The following ARHGEF26 variants were observed in gnomAD, a reference collection of about 807,000 sequenced individuals.
ARHGEF26 encodes the protein Rho guanine nucleotide exchange factor 26.
Under a neutral mutation model 89.4 loss-of-function variants are expected in ARHGEF26, and 59 were observed. The ratio of observed to expected loss-of-function variants is 0.66; its 90% CI spans 0.54 to 0.82. The LOEUF (loss-of-function observed/expected upper bound fraction) is 0.82, where lower values mean the gene tolerates loss of function less well. Ranked by LOEUF, ARHGEF26 falls within the 40% of genes least tolerant of loss-of-function variation. The probability of loss-of-function intolerance (pLI) is 0.00; values close to 1 mark genes in which losing one functional copy is unlikely to be tolerated. For missense variants in ARHGEF26, 1,234 were observed against 1,085.6 expected (o/e 1.14, Z -1.92); for synonymous variants, 500 against 428.4 (o/e 1.17, Z -2.06).
At chr3:154,234,836 G>A (rs1204692903) in intron 11 of ARHGEF26, among the ~76,000 whole-genome samples, 1 of 152,068 alleles carries the variant, frequency 6.6e-6, no homozygotes, top group African/African-American at 2.4e-5. Context: ...CGCAATCTCG[G>A]CTCACTGCAA....
chr3:154,174,754 A>G (rs1427784313), intron 6 of ARHGEF26, among the ~76,000 whole-genome samples: 4 of 152,194 alleles, frequency 2.6e-5, no homozygotes, highest in African/African-American at 4.8e-5. Context: ...GTATTAACAC[A>G]GAAGTAAAAA....
At chr3:154,221,195 AAAAGG>A (rs1486865386) in intron 10 of ARHGEF26, among the ~76,000 whole-genome samples, 1 of 152,164 alleles carries the variant, frequency 6.6e-6, no homozygotes, top group Non-Finnish European at 1.5e-5. Flanking sequence ...CTGCTACCAG[AAAAGG>A]AAATCCAAAT....
At chr3:154,202,478 A>G (rs993105731) in intron 9 of ARHGEF26, among the ~76,000 whole-genome samples, 2 of 152,034 alleles carry the variant, frequency 1.3e-5, no homozygotes, top group Non-Finnish European at 2.9e-5. Context: ...TTGACTTGGC[A>G]ATGTGGGCTC....
Position 154,257,767 on chromosome 3 carries a change from G to A in ARHGEF26, c.*2294G>A, listed in dbSNP as rs2108314333. ...ATGTTCATTTTTGTCCCAGTAAATT[G>A]AGACTGCTTGTACACTTTCAGAAAA... On this transcript the variant is annotated 3_prime_UTR_variant, in exon 15 of 15. Transcript: ENST00000465093. The A allele has an allele frequency of 6.6e-6, 1 of 152,248 alleles. No individual in the cohort carries two copies. Among genetic ancestry groups the A allele is most frequent in the Admixed American group, 6.5e-5 (1 of 15,280 alleles). 9.4% of individuals were successfully genotyped at this position (152,248 alleles called of 1,614,324 possible). A position where few individuals can be genotyped will look rare whatever the true frequency, so the allele number is the denominator to read the frequency against.
intron 10 of ARHGEF26, among the ~76,000 whole-genome samples, chr3:154,221,388 A>AT (rs1310122289): frequency 4.6e-5 from 7 of 152,182 alleles, no homozygotes; most frequent in Non-Finnish European, 1.5e-5. Flanking sequence ...GGTGGGAAAG[A>AT]TTGTTTTACC....
At chr3:154,193,792 A>G (rs1714100914) in intron 8 of ARHGEF26, among the ~76,000 whole-genome samples, 2 of 152,114 alleles carry the variant, frequency 1.3e-5, no homozygotes, top group African/African-American at 4.8e-5. Context: ...CAGTATAAAT[A>G]TATCAACAGA....
At chr3:154,202,676 G>C (rs970336599) in intron 9 of ARHGEF26, among the ~76,000 whole-genome samples, 23 of 151,646 alleles carry the variant, frequency 1.5e-4, no homozygotes, top group South Asian at 8.4e-4. Flanking sequence ...CTTTTATTTC[G>C]TTGAGCAGTG....
At chr3:154,153,384 A>T (rs1720141484) in intron 6 of ARHGEF26, among the ~76,000 whole-genome samples, 2 of 152,132 alleles carry the variant, frequency 1.3e-5, no homozygotes, top group Non-Finnish European at 2.9e-5. Context: ...ATCATATAAT[A>T]AACTTTTATA....
chr3:154,252,989 G>GT, intron 12 of ARHGEF26, 127 bp from the exon 13 acceptor site: 1 of 1,001,016 alleles, frequency 1.0e-6, no homozygotes, highest in East Asian at 2.5e-5. Context: ...CTCTCACCCT[G>GT]TTTTACCATA....
At position 154,240,539 on chromosome 3, in the gene ARHGEF26, G is replaced by A. The variant is rs760809133; in HGVS notation, c.2260G>A (p.Ala754Thr). The A allele has an allele frequency of 6.2e-6, 10 of 1,612,592 alleles. No individual in the cohort carries two copies. Among genetic ancestry groups the A allele is most frequent in the East Asian group, 2.2e-5 (1 of 44,874 alleles). Residue 754 changes from alanine to threonine, a missense_variant, in exon 12 of 15, where the codon GCG becomes ACG. Transcript: ENST00000465093. Reference sequence around the variant, plus strand: ...TACTCTGACAGTCCTTAGTAACCACGCGAATGAGAAAGTGGAGATGCTACT... The same window carrying A: ...TACTCTGACAGTCCTTAGTAACCACACGAATGAGAAAGTGGAGATGCTACT... ...LFTLTVLSNH[A>T]NEKVEMLLGA...
chr3:154,253,533 T>C (rs905899446), intron 13 of ARHGEF26, among the ~76,000 whole-genome samples: 1 of 152,250 alleles, frequency 6.6e-6, no homozygotes, highest in Non-Finnish European at 1.5e-5. Flanking sequence ...TGTAAAGCCC[T>C]TAAATTTTTA....
At chr3:154,181,659 C>T (rs1713191849) in intron 6 of ARHGEF26, among the ~76,000 whole-genome samples, 1 of 152,064 alleles carries the variant, frequency 6.6e-6, no homozygotes. Context: ...GAAAATGCAG[C>T]TGGCATTGAA....
Position 154,257,131 on chromosome 3 carries a change from A to G in ARHGEF26, c.*1658A>G. On this transcript the variant is annotated 3_prime_UTR_variant, in exon 15 of 15. Transcript: ENST00000465093. ...TGAGGGGTAAGTGTGCCTGGCTCAC[A>G]CAGCCTGCACCCTGTCACCTCGGCA... The G allele has an allele frequency of 1.2e-6, 1 of 855,734 alleles. No homozygotes were observed. Among genetic ancestry groups the G allele is most frequent in the South Asian group, 2.1e-5 (1 of 47,494 alleles). 53.0% of individuals were successfully genotyped at this position (855,734 alleles called of 1,614,324 possible). A position where few individuals can be genotyped will look rare whatever the true frequency, so the allele number is the denominator to read the frequency against.
rs1559933398 is a variant in ARHGEF26 at position 154,256,116 on chromosome 3, A to T, written c.*643A>T. The stretch of plus-strand genomic sequence containing the variant: ...CCTTACTTTAGGATTTTTAAAAAAA[A>T]ATCCATCTCACCCCATATTGTTCTT... On this transcript the variant is annotated 3_prime_UTR_variant, in exon 15 of 15. Coordinates refer to ENST00000465093, the MANE Select transcript of ARHGEF26 (RefSeq NM_015595.4). 1 of 985,420 alleles carries T rather than the reference A, an allele frequency of 1.0e-6. No homozygotes were observed. The highest frequency in any genetic ancestry group is 1.7e-5 in the African/African-American group (1 of 57,332). The allele number at this position is 985,420 out of a possible 1,614,324, so 61.0% of individuals were successfully genotyped here.
At chr3:154,173,122 A>T (rs942659455) in intron 6 of ARHGEF26, among the ~76,000 whole-genome samples, 1 of 152,166 alleles carries the variant, frequency 6.6e-6, no homozygotes, top group African/African-American at 2.4e-5. Context: ...ACCATTTCAT[A>T]TCGTAATTAT....
At chr3:154,243,449 A>G (rs1385605682) in intron 12 of ARHGEF26, among the ~76,000 whole-genome samples, 1 of 152,228 alleles carries the variant, frequency 6.6e-6, no homozygotes, top group African/African-American at 2.4e-5. Context: ...CCAAGAGAGT[A>G]GGAGGTGAAC....
intron 2 of ARHGEF26, among the ~76,000 whole-genome samples, chr3:154,123,865 A>G (rs1718155033): frequency 6.6e-6 from 1 of 151,992 alleles, no homozygotes; most frequent in Admixed American, 6.6e-5. Flanking sequence ...GAAGAGGGGT[A>G]TTTTGGAGTG....
chr3:154,187,145 C>T (rs983038977), intron 6 of ARHGEF26: 2 of 757,318 alleles, frequency 2.6e-6, no homozygotes, highest in African/African-American at 1.9e-5. Flanking sequence ...CCGCTTCGGC[C>T]TCCCAGAGTG....
chr3:154,161,296 G>GAAATATAAAAAGCTTC (rs1179150505), intron 6 of ARHGEF26, among the ~76,000 whole-genome samples: 1 of 21,990 alleles, frequency 4.5e-5, no homozygotes, highest in Non-Finnish European at 8.5e-5. Context: ...TATTACAGCA[G>GAAATATAAAAAGCTTC]AAATATAAAA....
Sources: allele counts gnomAD v4.1 joint callset (sites outside exome capture counted in the v4.1 genomes callset), GRCh38; gene constraint gnomAD v4.1.1; transcripts MANE v1.5; gene names NCBI Gene and HGNC (gene_info 2026-07-23, HGNC 2026-07-21).